The following EXT1 variants were observed in gnomAD, a reference collection of about 807,000 sequenced individuals.
EXT1 encodes the protein exostosin glycosyltransferase 1, also known as exostosin-1.
EXT1 carries 20 observed loss-of-function variants against 82.5 expected under a neutral mutation model. That is an observed-to-expected ratio of 0.24 (90% CI 0.17 to 0.35). The LOEUF (loss-of-function observed/expected upper bound fraction) is 0.35, where lower values mean the gene tolerates loss of function less well. Ranked by LOEUF, EXT1 falls within the 10% of genes least tolerant of loss-of-function variation. EXT1 has a pLI of 1.00. For missense variants in EXT1, 757 were observed against 936.5 expected (o/e 0.81, Z 2.50); for synonymous variants, 348 against 350.8 (o/e 0.99, Z 0.09).
At chr8:117,937,708 G>C (rs1814194291) in intron 1 of EXT1, among the ~76,000 whole-genome samples, 1 of 152,230 alleles carries the variant, frequency 6.6e-6, no homozygotes. Flanking sequence ...GGAAAACTGA[G>C]ATCAGGAAGA....
At chr8:117,802,169 T>A (rs544580893) in intron 10 of EXT1, among the ~76,000 whole-genome samples, 69 of 152,346 alleles carry the variant, frequency 4.5e-4, no homozygotes, top group Non-Finnish European at 8.1e-4. Flanking sequence ...TAAATTTAGA[T>A]TTTTTTGTTA....
intron 1 of EXT1, among the ~76,000 whole-genome samples, chr8:118,100,925 T>C (rs1817707305): frequency 6.6e-6 from 1 of 152,132 alleles, no homozygotes; most frequent in Non-Finnish European, 1.5e-5. Flanking sequence ...CCTGTAGGTC[T>C]TTACAGAAAC....
In EXT1 at chr8:117,998,062, G is replaced by A. The variant is rs546163401; in HGVS notation, c.962+112023C>T. ...CGGAGTCTTGCTCTGTCACTAGGCT[G>A]GAGTGCAGTGGCTCGATCTTGGCTC... On this transcript the variant is annotated intron_variant, in intron 1 of 10. Coordinates refer to ENST00000378204, the MANE Select transcript of EXT1 (RefSeq NM_000127.3). 3.0e-3 allele frequency among the ~76,000 whole-genome samples: 442 copies of A among 147,838 alleles called. 3 individuals carry two copies. Among genetic ancestry groups the A allele is most frequent in the African/African-American group, 0.01 (407 of 39,518 alleles).
intron 1 of EXT1, among the ~76,000 whole-genome samples, chr8:118,015,990 G>C (rs544052401): frequency 3.3e-5 from 5 of 152,234 alleles, no homozygotes; most frequent in Non-Finnish European, 5.9e-5. Flanking sequence ...GAAGCTACCA[G>C]AGGCAAGGAA....
At chr8:117,980,946 TTTC>T (rs1815186602) in intron 1 of EXT1, among the ~76,000 whole-genome samples, 1 of 152,122 alleles carries the variant, frequency 6.6e-6, no homozygotes, top group African/African-American at 2.4e-5. Context: ...CGTTGTCTGC[TTTC>T]TTATTACTGC....
chr8:117,818,663 A>G lies in EXT1; in HGVS notation c.1537-133T>C, dbSNP rs2129737517. 29 of 730,104 alleles carry G rather than the reference A, an allele frequency of 4.0e-5. No individual in the cohort carries two copies. In the South Asian group the frequency reaches 4.4e-4, roughly 11 times the overall value. The allele number at this position is 730,104 out of a possible 1,614,324, so 45.2% of individuals were successfully genotyped here. A position where few individuals can be genotyped will look rare whatever the true frequency, so the allele number is the denominator to read the frequency against. ...TCAGCAAGACAAAACGGCAGACATC[A>G]AAACTGAGTTTTAAAGTGAGTCCAT... On this transcript the variant is annotated intron_variant, in intron 6 of 10. Transcript: ENST00000378204.
At position 117,796,718 on chromosome 8, in the gene EXT1, A is replaced by G. The variant is rs1243485653; in HGVS notation, c.*2994T>C. ...TACGACCAGGTAGGCCCACCTAGCT[A>G]TGCTATCTTTTGTGGTATGACTATC... On this transcript the variant is annotated 3_prime_UTR_variant, in exon 11 of 11. Coordinates refer to ENST00000378204, the MANE Select transcript of EXT1 (RefSeq NM_000127.3). 6.6e-6 allele frequency: 1 copy of G among 152,120 alleles called. No individual in the cohort carries two copies. The highest frequency in any genetic ancestry group is 1.5e-5 in the Non-Finnish European group (1 of 68,020). The allele number at this position is 152,120 out of a possible 1,614,324, so 9.4% of individuals were successfully genotyped here.
At chr8:117,833,228 G>T (rs2129780130) in intron 3 of EXT1, among the ~76,000 whole-genome samples, 1 of 152,270 alleles carries the variant, frequency 6.6e-6, no homozygotes, top group South Asian at 2.1e-4. Flanking sequence ...AGCAAGTCTG[G>T]GTGGGTGGGG....
At chr8:117,801,484 TGGATATGAG>T (rs1225355926) in intron 10 of EXT1, among the ~76,000 whole-genome samples, 1 of 152,088 alleles carries the variant, frequency 6.6e-6, no homozygotes, top group South Asian at 2.1e-4. Context: ...TGACCCTAAA[TGGATATGAG>T]TTTGTGGGCC....
intron 1 of EXT1, among the ~76,000 whole-genome samples, chr8:117,920,285 G>GTTTTTTTTTTTTTT (rs1554586149): frequency 2.7e-5 from 4 of 150,318 alleles, no homozygotes; most frequent in Non-Finnish European, 6.0e-5. Context: ...TGTATTTTTA[G>GTTTTTTTTTTTTTT]TAGAGACGGG....
intron 1 of EXT1, among the ~76,000 whole-genome samples, chr8:118,085,308 T>C (rs909609676): frequency 6.6e-6 from 1 of 152,148 alleles, no homozygotes; most frequent in African/African-American, 2.4e-5. Flanking sequence ...ACCCTCCAGG[T>C]TGTGGTACTA....
At chr8:117,997,132 C>T (rs1815553279) in intron 1 of EXT1, among the ~76,000 whole-genome samples, 1 of 151,894 alleles carries the variant, frequency 6.6e-6, no homozygotes, top group Non-Finnish European at 1.5e-5. Flanking sequence ...TGCAATGAAG[C>T]TCATTAACTA....
rs2130041093 is a variant in EXT1 at position 118,110,122 on chromosome 8, C to G, written c.925G>C (p.Asp309His). 1 of 1,614,210 alleles carries G rather than the reference C, an allele frequency of 6.2e-7. No homozygotes were observed. Among genetic ancestry groups the G allele is most frequent in the Non-Finnish European group, 8.5e-7 (1 of 1,180,046 alleles). The change falls in exon 1 of 11, where the codon GAT (aspartate) becomes CAT (histidine). Residue 309 changes from aspartate (D) to histidine (H), a missense_variant. By Grantham distance (81) the Asp-to-His change is moderately conservative (BLOSUM62 -1). This residue lies in a region of EXT1 where 247 missense variants were observed against 330.1 expected (regional missense o/e 0.75). Coordinates refer to ENST00000378204, the MANE Select transcript of EXT1 (RefSeq NM_000127.3). ...KHGKDWQKHK[D>H]SRCDRDNTEY... ...GTGTTGTCTCTGTCACAGCGAGAAT[C>G]CTTGTGCTTTTGCCAGTCTTTGCCA...
At chr8:118,065,437 C>T (rs1197656946) in intron 1 of EXT1, among the ~76,000 whole-genome samples, 1 of 152,112 alleles carries the variant, frequency 6.6e-6, no homozygotes, top group Non-Finnish European at 1.5e-5. Context: ...CAAAACAAAA[C>T]AACAACAAAA....
intron 1 of EXT1, among the ~76,000 whole-genome samples, chr8:118,047,908 T>C (rs1816648626): frequency 6.6e-6 from 1 of 151,936 alleles, no homozygotes; most frequent in African/African-American, 2.4e-5. Flanking sequence ...CCTAGCATGG[T>C]GATGCACACC....
At chr8:117,949,312 T>G (rs17504806) in intron 1 of EXT1, among the ~76,000 whole-genome samples, 3,220 of 152,156 alleles carry the variant, frequency 0.021, 113 homozygotes, top group African/African-American at 0.074. Flanking sequence ...ATACCAAATA[T>G]TCATGTAAAA....
chr8:117,986,650 T>A (rs1392711212), intron 1 of EXT1, among the ~76,000 whole-genome samples: 1 of 152,164 alleles, frequency 6.6e-6, no homozygotes. Flanking sequence ...AACAATGAGA[T>A]TTAAATTCTA....
intron 1 of EXT1, among the ~76,000 whole-genome samples, chr8:118,100,947 T>C (rs546238779): frequency 1.3e-5 from 2 of 152,270 alleles, no homozygotes; most frequent in African/African-American, 4.8e-5. Context: ...ATGGCTGGAC[T>C]TCCAGGGCAC....
At chr8:117,913,906 C>T (rs17453119) in intron 1 of EXT1, among the ~76,000 whole-genome samples, 12,604 of 152,168 alleles carry the variant, frequency 0.083, 860 homozygotes, top group African/African-American at 0.19. Flanking sequence ...AGGCAATTTG[C>T]CCACCTCAGG....
Sources: allele counts gnomAD v4.1 joint callset (sites outside exome capture counted in the v4.1 genomes callset), GRCh38; gene constraint gnomAD v4.1.1; regional missense constraint gnomAD v4.1.1; transcripts MANE v1.5; gene names NCBI Gene and HGNC (gene_info 2026-07-23, HGNC 2026-07-21).